Variants in XKR4 observed in about 807,000 individuals in gnomAD.
XKR4 encodes the protein XK related 4, also known as XK-related protein 4.
A neutral mutation model predicts 53.9 loss-of-function variants in XKR4; 12 were observed. The observed-to-expected ratio is 0.22, with a 90% CI of 0.14 to 0.36. XKR4 has a LOEUF of 0.36. Among genes scored for constraint, XKR4 ranks in the 10% least tolerant of loss-of-function variants. The pLI is 1.00. For synonymous variants in XKR4, 354 were observed against 362.4 expected (o/e 0.98, Z 0.26); for missense variants, 799 against 859.5 (o/e 0.93, Z 0.88).
intron 1 of XKR4, among the ~76,000 whole-genome samples, chr8:55,278,299 T>C (rs1818793204): frequency 1.4e-5 from 2 of 147,416 alleles, no homozygotes; most frequent in Non-Finnish European, 3.0e-5. Context: ...ATCCTGCCAC[T>C]GCACTTCAGT....
intron 1 of XKR4, among the ~76,000 whole-genome samples, chr8:55,167,879 G>A (rs971604978): frequency 6.6e-6 from 1 of 152,180 alleles, no homozygotes; most frequent in Admixed American, 6.5e-5. Flanking sequence ...GGAGTGGCCA[G>A]GGAAGTAGGG....
intron 2 of XKR4, among the ~76,000 whole-genome samples, chr8:55,512,045 C>T (rs1366406926): frequency 6.6e-6 from 1 of 152,172 alleles, no homozygotes; most frequent in Non-Finnish European, 1.5e-5. Context: ...AGTGCTCTAA[C>T]AGACACATGG....
At chr8:55,125,864 A>G (rs75086882) in intron 1 of XKR4, among the ~76,000 whole-genome samples, 304 of 152,320 alleles carry the variant, frequency 2.0e-3, no homozygotes, top group African/African-American at 7.0e-3. Flanking sequence ...TATCTGCTCA[A>G]TATCTAAAAT....
intron 1 of XKR4, among the ~76,000 whole-genome samples, chr8:55,170,918 C>A (rs1023362273): frequency 1.3e-5 from 2 of 152,220 alleles, no homozygotes; most frequent in African/African-American, 4.8e-5. Context: ...GTCTCTCCCC[C>A]TCCCTTCTTC....
chr8:55,187,436 G>T (rs1159666456), intron 1 of XKR4, among the ~76,000 whole-genome samples: 1 of 152,024 alleles, frequency 6.6e-6, no homozygotes, highest in Non-Finnish European at 1.5e-5. Flanking sequence ...AATGAATTTG[G>T]AAATTCTTAA....
rs1806939050 is a variant in XKR4, at chr8:55,530,677, C to G, written c.*6450C>G. On this transcript the variant is annotated 3_prime_UTR_variant, in exon 3 of 3. Coordinates refer to ENST00000327381, the MANE Select transcript of XKR4 (RefSeq NM_052898.2). The stretch of plus-strand genomic sequence containing the variant: ...ATGTAGTGTATTAAAATACAAGTAA[C>G]TATCTTCCTACTTTGATTTAAGAGA... 6.6e-6 allele frequency: 1 copy of G among 152,128 alleles called. No homozygotes were observed. Among genetic ancestry groups the G allele is most frequent in the African/African-American group, 2.4e-5 (1 of 41,418 alleles). 9.4% of individuals were successfully genotyped at this position (152,128 alleles called of 1,614,324 possible).
chr8:55,266,489 A>G (rs1447793968), intron 1 of XKR4, among the ~76,000 whole-genome samples: 1 of 152,156 alleles, frequency 6.6e-6, no homozygotes, highest in Non-Finnish European at 1.5e-5. Flanking sequence ...TTTGCTAATG[A>G]CAGCACACAG....
At chr8:55,394,737 A>C (rs1337903722) in intron 2 of XKR4, among the ~76,000 whole-genome samples, 1 of 152,226 alleles carries the variant, frequency 6.6e-6, no homozygotes, top group African/African-American at 2.4e-5. Flanking sequence ...AGGAGGAGCT[A>C]CCATGACATT....
chr8:55,314,436 C>T (rs188136171), intron 1 of XKR4, among the ~76,000 whole-genome samples: 120 of 152,214 alleles, frequency 7.9e-4, no homozygotes, highest in Non-Finnish European at 1.3e-3. Context: ...GGGCACCGAC[C>T]TCAAGGAACA....
intron 2 of XKR4, chr8:55,450,380 C>A (rs868483325): frequency 4.8e-6 from 3 of 631,272 alleles, no homozygotes; most frequent in Middle Eastern, 4.5e-4. Flanking sequence ...ACCTCTGTGT[C>A]CTCGGGTGCA....
rs1805366313 is a variant in XKR4 at position 55,447,641 on chromosome 8, C to A, written c.1007-75640C>A. Among the ~76,000 whole-genome samples, 5 of 152,312 alleles carry A rather than the reference C, an allele frequency of 3.3e-5. 1 individual carries two copies. The South Asian group carries it at 1.0e-3, about 32-fold the overall frequency. ...TATCTGTCCACTACTGTATAATAGA[C>A]AGCCCTGTAGTCCTCCCTTCACAGA... is the stretch of plus-strand genomic sequence containing the variant. On this transcript the variant is annotated intron_variant, in intron 2 of 2. Coordinates refer to ENST00000327381, the MANE Select transcript of XKR4 (RefSeq NM_052898.2).
chr8:55,248,357 A>G (rs1818318133), intron 1 of XKR4, among the ~76,000 whole-genome samples: 1 of 152,220 alleles, frequency 6.6e-6, no homozygotes, highest in Non-Finnish European at 1.5e-5. Context: ...TCTGTAATTT[A>G]GTTTCTGCCA....
chr8:55,498,946 C>T (rs1431840013), intron 2 of XKR4, among the ~76,000 whole-genome samples: 1 of 152,192 alleles, frequency 6.6e-6, no homozygotes, highest in Non-Finnish European at 1.5e-5. Context: ...ACTTGACTTT[C>T]TAGGATCCAT....
chr8:55,394,843 G>A (rs1804492085), intron 2 of XKR4, among the ~76,000 whole-genome samples: 1 of 152,088 alleles, frequency 6.6e-6, no homozygotes, highest in Non-Finnish European at 1.5e-5. Flanking sequence ...AGCATCACCA[G>A]CATCGGTTTA....
chr8:55,383,317 A>C (rs1468926114), intron 2 of XKR4, among the ~76,000 whole-genome samples: 18 of 152,212 alleles, frequency 1.2e-4, no homozygotes, highest in Admixed American at 1.2e-3. Context: ...ACCTAATTAC[A>C]TCTCTGACCT....
At chr8:55,391,753 A>T (rs1464173080) in intron 2 of XKR4, among the ~76,000 whole-genome samples, 3 of 152,216 alleles carry the variant, frequency 2.0e-5, no homozygotes, top group Non-Finnish European at 4.4e-5. Context: ...TAAAATATTA[A>T]AATAAGCATA....
At chr8:55,396,399 G>GTTTTTTTTTTTTTTTTTTTTTTTT (rs71256534) in intron 2 of XKR4, among the ~76,000 whole-genome samples, 6 of 88,750 alleles carry the variant, frequency 6.8e-5, no homozygotes, top group African/African-American at 2.0e-4. Flanking sequence ...TTTTTGTTTG[G>GTTTTTTTTTTTTTTTTTTTTTTTT]TTTTTTTTTT....
intron 1 of XKR4, among the ~76,000 whole-genome samples, chr8:55,118,670 G>A (rs7822604): frequency 3.3e-5 from 5 of 152,130 alleles, no homozygotes; most frequent in African/African-American, 9.7e-5. Flanking sequence ...CCTTGTTCCC[G>A]TTCAAAAGAT....
chr8:55,187,699 T>C (rs900102983), intron 1 of XKR4, among the ~76,000 whole-genome samples: 2 of 152,234 alleles, frequency 1.3e-5, no homozygotes, highest in African/African-American at 4.8e-5. Context: ...TTATGTTTTC[T>C]TAGCTCATTG....
Sources: allele counts gnomAD v4.1 joint callset (sites outside exome capture counted in the v4.1 genomes callset), GRCh38; gene constraint gnomAD v4.1.1; transcripts MANE v1.5; gene names NCBI Gene and HGNC (gene_info 2026-07-23, HGNC 2026-07-21).